MSH3: variants seen among roughly 807,000 people sequenced by gnomAD.
The protein encoded by MSH3 is DNA mismatch repair protein Msh3.
A neutral mutation model predicts 123.3 loss-of-function variants in MSH3; 106 were observed. The observed-to-expected ratio is 0.86, with a 90% CI of 0.73 to 1.01. MSH3 has a LOEUF of 1.01. MSH3 is among the 50% of genes least tolerant of loss of function. The pLI, the probability that MSH3 is intolerant of heterozygous loss-of-function variation, is 0.00. For synonymous variants in MSH3, 515 were observed against 481.4 expected, an observed-to-expected ratio of 1.07 and a Z score of -0.91; for missense variants, 1,459 against 1,347.6, an observed-to-expected ratio of 1.08 and a Z score of -1.29.
intron 8 of MSH3, among the ~76,000 whole-genome samples, chr5:80,694,972 T>G (rs2112833658): frequency 6.6e-6 from 1 of 151,750 alleles, no homozygotes; most frequent in Non-Finnish European, 1.5e-5. Flanking sequence ...TTTATCCTTT[T>G]TGGGGTTCAC....
rs1051280004 is a variant in MSH3, at chr5:80,685,321, C to A, written c.1340+6228C>A. Among the ~76,000 whole-genome samples, 3 of 147,082 alleles carry A rather than the reference C, an allele frequency of 2.0e-5. No homozygotes were observed. The South Asian group carries it at 6.4e-4, about 32-fold the overall frequency. ...TCCTGGGCTTTTCTTTGCTGGGAGA[C>A]TTTATTATGGCTTCAATCTCGTTAC... On this transcript the variant is annotated intron_variant, in intron 8 of 23. Transcript: ENST00000265081.
At chr5:80,711,599 C>A (rs1750860161) in intron 8 of MSH3, among the ~76,000 whole-genome samples, 1 of 152,196 alleles carries the variant, frequency 6.6e-6, no homozygotes, top group Non-Finnish European at 1.5e-5. Flanking sequence ...TGTCTATTTC[C>A]TTCTCTGGAC....
chr5:80,766,840 A>G (rs748289284), intron 13 of MSH3, among the ~76,000 whole-genome samples: 4 of 152,042 alleles, frequency 2.6e-5, no homozygotes, highest in Admixed American at 6.6e-5. Context: ...TTCCATACCT[A>G]CTACCCAGAG....
intron 8 of MSH3, among the ~76,000 whole-genome samples, chr5:80,723,051 T>C (rs1444507042): frequency 6.6e-6 from 1 of 151,864 alleles, no homozygotes; most frequent in Non-Finnish European, 1.5e-5. Flanking sequence ...GATGCTGCAA[T>C]GAGCCCTGGT....
chr5:80,699,468 G>C (rs775097377), intron 8 of MSH3, among the ~76,000 whole-genome samples: 1 of 149,524 alleles, frequency 6.7e-6, no homozygotes, highest in Non-Finnish European at 1.5e-5. Context: ...TGAGGCAGGA[G>C]AATGGCTTGA....
intron 19 of MSH3, among the ~76,000 whole-genome samples, chr5:80,801,780 T>A (rs1448700356): frequency 3.3e-5 from 5 of 152,222 alleles, no homozygotes; most frequent in Admixed American, 3.3e-4. Context: ...GAATTTAGGA[T>A]GAGAGATCTT....
chr5:80,720,267 A>C (rs1751052214), intron 8 of MSH3, among the ~76,000 whole-genome samples: 1 of 152,018 alleles, frequency 6.6e-6, no homozygotes, highest in Admixed American at 6.6e-5. Context: ...TGATTTCCCC[A>C]GGTATGTGAT....
rs771253300 is a variant in MSH3 at position 80,813,676 on chromosome 5, T to C, written c.2748T>C (p.Ala916=). The change falls in exon 20 of 24, where the codon GCT becomes GCC. Residue 916 remains alanine (A), a synonymous_variant. Transcript: ENST00000265081. ...IKQVALITIM[A]QIGSYVPAEE... ...AAGTTGCATTGATTACCATCATGGC[T>C]CAGATTGGCTCCTATGTTCCTGCAG... The C allele has an allele frequency of 1.3e-5, 21 of 1,614,152 alleles. No individual in the cohort carries two copies. Among genetic ancestry groups the C allele is most frequent in the Non-Finnish European group, 1.8e-5 (21 of 1,180,004 alleles).
At chr5:80,802,423 AAAC>A (rs1744805660) in intron 19 of MSH3, among the ~76,000 whole-genome samples, 1 of 151,656 alleles carries the variant, frequency 6.6e-6, no homozygotes, top group Non-Finnish European at 1.5e-5. Flanking sequence ...TAAAAAAACA[AAAC>A]AAAAATTGGG....
intron 20 of MSH3, among the ~76,000 whole-genome samples, chr5:80,848,631 G>A (rs1012057580): frequency 1.3e-5 from 2 of 152,208 alleles, no homozygotes; most frequent in Non-Finnish European, 2.9e-5. Flanking sequence ...ATTGTGCAGG[G>A]AAATGCGCGT....
At chr5:80,713,728 G>A (rs1348651880) in intron 8 of MSH3, among the ~76,000 whole-genome samples, 3 of 152,158 alleles carry the variant, frequency 2.0e-5, no homozygotes, top group Non-Finnish European at 4.4e-5. Flanking sequence ...TGTCTTTGGA[G>A]CAGATTTCCA....
chr5:80,674,989 A>C lies in MSH3; in HGVS notation c.1034A>C (p.Asn345Thr), dbSNP rs1481752637. 1 of 1,602,038 alleles carries C rather than the reference A, an allele frequency of 6.2e-7. No homozygotes were observed. Among genetic ancestry groups the C allele is most frequent in the East Asian group, 2.2e-5 (1 of 44,668 alleles). ...TTTCTTTAATTATTATTAAATGTGA[A>C]TCCCCTAATCAAGCTGGATGATGCT... The part of the protein sequence containing the change: ...TKSTLIGEDV[N>T]PLIKLDDAVN... The change falls in exon 7 of 24, where the codon AAT becomes ACT. Residue 345 changes from asparagine (N) to threonine (T), a missense_variant. Physicochemically the swap from Asn to Thr is moderately conservative, Grantham distance 65. Transcript: ENST00000265081.
intron 20 of MSH3, among the ~76,000 whole-genome samples, chr5:80,839,193 C>T (rs544493782): frequency 6.6e-6 from 1 of 152,210 alleles, no homozygotes; most frequent in Non-Finnish European, 1.5e-5. Context: ...ATACCGAAAC[C>T]CCATCTCTAC....
intron 8 of MSH3, among the ~76,000 whole-genome samples, chr5:80,714,014 C>A (rs1006603760): frequency 2.0e-5 from 3 of 151,722 alleles, no homozygotes; most frequent in African/African-American, 7.3e-5. Context: ...TCAAAAAATA[C>A]CTTCAGCAAC....
chr5:80,875,094 G>A (rs1034954976), intron 23 of MSH3, among the ~76,000 whole-genome samples: 4 of 152,150 alleles, frequency 2.6e-5, no homozygotes, highest in Non-Finnish European at 5.9e-5. Flanking sequence ...ATTTGCAGCA[G>A]CCTACACACT....
At chr5:80,768,249 A>C (rs1744157545) in intron 14 of MSH3, 129 bp downstream of exon 14, 1 of 897,186 alleles carries the variant, frequency 1.1e-6, no homozygotes, top group Non-Finnish European at 1.8e-6. Context: ...ATATAATTAG[A>C]AATGTGATTG....
At chr5:80,810,535 C>A (rs1196033690) in intron 19 of MSH3, among the ~76,000 whole-genome samples, 1 of 152,080 alleles carries the variant, frequency 6.6e-6, no homozygotes, top group African/African-American at 2.4e-5. Flanking sequence ...ATCTTGACAG[C>A]ATACTGTGTT....
chr5:80,843,197 G>A (rs1019031457), intron 20 of MSH3, among the ~76,000 whole-genome samples: 2 of 151,796 alleles, frequency 1.3e-5, no homozygotes, highest in East Asian at 1.9e-4. Flanking sequence ...TTTATGTTTC[G>A]GATTACACTT....
intron 8 of MSH3, among the ~76,000 whole-genome samples, chr5:80,714,747 CACTCTAGGAACTTGTCTAAAA>C (rs569322503): frequency 1.2e-3 from 182 of 152,270 alleles, no homozygotes; most frequent in African/African-American, 4.0e-3. Context: ...CTCTTGTGTT[CACTCTAGGAACTTGTCTAAAA>C]ACATTGTGGA....
Sources: allele counts gnomAD v4.1 joint callset (sites outside exome capture counted in the v4.1 genomes callset), GRCh38; gene constraint gnomAD v4.1.1; transcripts MANE v1.5; gene names NCBI Gene and HGNC (gene_info 2026-07-23, HGNC 2026-07-21).